Variants in IFT43 observed in about 807,000 individuals in gnomAD.
The protein encoded by IFT43 is intraflagellar transport 43, also known as intraflagellar transport protein 43 homolog.
IFT43 carries 33 observed loss-of-function variants against 32.3 expected under a neutral mutation model. The observed-to-expected ratio is 1.02, with a 90% confidence interval of 0.77 to 1.37. The LOEUF is 1.37. IFT43 is among the 40% of genes most tolerant of loss of function. The pLI is 0.00. For synonymous variants in IFT43, 93 were observed against 98.2 expected, an observed-to-expected ratio of 0.95 and a Z score of 0.31; for missense variants, 274 against 265.9, an observed-to-expected ratio of 1.03 and a Z score of -0.21.
intron 3 of IFT43, among the ~76,000 whole-genome samples, chr14:76,043,937 A>G (rs886756550): frequency 2.6e-5 from 4 of 152,146 alleles, no homozygotes; most frequent in South Asian, 2.1e-4. Context: ...TAGTGTTCCT[A>G]TGACCCCCTT....
intron 2 of IFT43, among the ~76,000 whole-genome samples, chr14:75,991,374 T>TAA (rs1555362320): frequency 1.4e-5 from 2 of 144,938 alleles, no homozygotes; most frequent in Non-Finnish European, 3.0e-5. Context: ...TATATATATA[T>TAA]AAATATTAAC....
intron 2 of IFT43, among the ~76,000 whole-genome samples, chr14:76,010,826 A>G (rs2036069595): frequency 6.6e-6 from 1 of 151,920 alleles, no homozygotes; most frequent in Non-Finnish European, 1.5e-5. Context: ...CCAGAATCCA[A>G]TCAAGAATCA....
chr14:76,037,018 A>G (rs1157096889), intron 3 of IFT43, among the ~76,000 whole-genome samples: 1 of 152,182 alleles, frequency 6.6e-6, no homozygotes, highest in African/African-American at 2.4e-5. Context: ...TGGAGAGACA[A>G]GGTCTTGCTG....
At chr14:76,066,349 A>T (rs1046461396) in intron 5 of IFT43, among the ~76,000 whole-genome samples, 2 of 152,196 alleles carry the variant, frequency 1.3e-5, no homozygotes, top group Non-Finnish European at 2.9e-5. Context: ...ACCCTCCAGG[A>T]GGGATGCCTC....
intron 2 of IFT43, among the ~76,000 whole-genome samples, chr14:76,018,533 A>G (rs2036231976): frequency 6.6e-6 from 1 of 152,090 alleles, no homozygotes; most frequent in South Asian, 2.1e-4. Flanking sequence ...CGGCTATTGG[A>G]TGAAATGTTT....
rs116522128 is a variant in IFT43 at position 75,990,642 on chromosome 14, C to T, written c.147+1665C>T. Reference sequence around the variant, plus strand: ...GGCCTGGGGCAGGGAGGTTGGGAGGCGAGGATAGTGGAGCATTGGAGGCAC... The same window carrying T: ...GGCCTGGGGCAGGGAGGTTGGGAGGTGAGGATAGTGGAGCATTGGAGGCAC... On this transcript the variant is annotated intron_variant, in intron 2 of 8. Transcript: ENST00000314067. Among the ~76,000 whole-genome samples the T allele has an allele frequency of 9.9e-3, 1,500 of 151,900 alleles. 34 individuals are homozygous for T. Among genetic ancestry groups the T allele is most frequent in the African/African-American group, 0.034 (1,399 of 41,404 alleles).
chr14:76,060,851 TTCC>T (rs1566730514), intron 5 of IFT43, among the ~76,000 whole-genome samples: 4 of 141,026 alleles, frequency 2.8e-5, no homozygotes, highest in Admixed American at 7.2e-5. Context: ...CCTTCCTTCC[TTCC>T]TTCCTTCTTT....
intron 3 of IFT43, among the ~76,000 whole-genome samples, chr14:76,039,011 A>G (rs1594836645): frequency 1.3e-5 from 2 of 152,302 alleles, no homozygotes; most frequent in Admixed American, 1.3e-4. Flanking sequence ...ACTTCCTGAA[A>G]GTCACTGTTC....
intron 3 of IFT43, chr14:76,038,177 G>A (rs752159453): frequency 2.6e-5 from 4 of 152,236 alleles, no homozygotes; most frequent in Non-Finnish European, 5.9e-5. Flanking sequence ...CCAATATTGG[G>A]TAAAATCAGA....
intron 5 of IFT43, among the ~76,000 whole-genome samples, chr14:76,075,314 A>G (rs1449908718): frequency 1.3e-5 from 2 of 152,180 alleles, no homozygotes; most frequent in African/African-American, 4.8e-5. Flanking sequence ...ACACATCTTC[A>G]TAAAGCAGAC....
At chr14:76,082,725 G>A in intron 7 of IFT43, 33 bp downstream of exon 7, 1 of 1,466,968 alleles carries the variant, frequency 6.8e-7, no homozygotes, top group Non-Finnish European at 9.6e-7. Flanking sequence ...AGAGAGGCGG[G>A]CTCCAAGCAA....
chr14:76,059,469 G>A, intron 5 of IFT43, 96 bp downstream of exon 5: 1 of 1,212,080 alleles, frequency 8.3e-7, no homozygotes, highest in South Asian at 1.2e-5. Context: ...CAGCATCACT[G>A]AAGACATTTG....
At chr14:75,986,771 G>C (rs1488616879) in intron 1 of IFT43, among the ~76,000 whole-genome samples, 1 of 152,116 alleles carries the variant, frequency 6.6e-6, no homozygotes, top group African/African-American at 2.4e-5. Context: ...TAAAAGATTG[G>C]GCCCCAGAGC....
chr14:76,057,733 C>A (rs111764169), intron 3 of IFT43, among the ~76,000 whole-genome samples: 82 of 152,292 alleles, frequency 5.4e-4, no homozygotes, highest in African/African-American at 1.9e-3. Flanking sequence ...ATCCTTTGCT[C>A]TTGCTCATCA....
chr14:76,012,281 C>T (rs1594815493), intron 2 of IFT43, among the ~76,000 whole-genome samples: 1 of 152,170 alleles, frequency 6.6e-6, no homozygotes, highest in South Asian at 2.1e-4. Flanking sequence ...GGCACTGCAG[C>T]ATCTTTTCTG....
chr14:76,043,690 T>C lies in IFT43; in HGVS notation c.216-14952T>C, dbSNP rs147082673. Among the ~76,000 whole-genome samples the C allele has an allele frequency of 9.8e-3, 1,499 of 152,350 alleles. 14 individuals are homozygous for C. Among genetic ancestry groups the C allele is most frequent in the Non-Finnish European group, 0.013 (911 of 68,028 alleles). On this transcript the variant is annotated intron_variant, in intron 3 of 8. Coordinates refer to ENST00000314067, the MANE Select transcript of IFT43 (RefSeq NM_001102564.3). ...CTGTTTTCTCCTACTATACCCTCAG[T>C]GCTCCACCTCTGACACCAGATGTAT...
intron 5 of IFT43, among the ~76,000 whole-genome samples, chr14:76,069,713 C>A (rs1046395867): frequency 6.6e-6 from 1 of 152,164 alleles, no homozygotes; most frequent in Admixed American, 6.5e-5. Context: ...AAAATATGTC[C>A]TTAAAAAGTA....
At chr14:76,072,826 A>G (rs990730900) in intron 5 of IFT43, among the ~76,000 whole-genome samples, 1 of 152,194 alleles carries the variant, frequency 6.6e-6, no homozygotes, top group African/African-American at 2.4e-5. Flanking sequence ...TTTAATACAG[A>G]AGACAGGATC....
chr14:76,021,009 C>T (rs1229940856), intron 2 of IFT43, among the ~76,000 whole-genome samples: 1 of 152,092 alleles, frequency 6.6e-6, no homozygotes, highest in Non-Finnish European at 1.5e-5. Context: ...TATTCCCAGG[C>T]TCGCAGACTA....
Sources: gnomAD v4.1 joint callset for allele counts (sites outside exome capture counted in the v4.1 genomes callset) on GRCh38, gnomAD v4.1.1 for gene constraint, MANE v1.5 for transcripts, NCBI Gene and HGNC (gene_info 2026-07-23, HGNC 2026-07-21) for gene names.